The following EFCAB5 variants were observed in gnomAD, a reference collection of about 807,000 sequenced individuals.
The protein encoded by EFCAB5 is EF-hand calcium-binding domain-containing protein 5.
EFCAB5 carries 131 observed loss-of-function variants against 167.9 expected under a neutral mutation model. The ratio of observed to expected loss-of-function variants is 0.78; its 90% confidence interval spans 0.68 to 0.90. The LOEUF (loss-of-function observed/expected upper bound fraction) is 0.90, where lower values mean the gene tolerates loss of function less well. EFCAB5 is among the 40% of genes least tolerant of loss of function. EFCAB5 has a pLI of 0.00. For synonymous variants in EFCAB5, 574 were observed against 602.8 expected, an observed-to-expected ratio of 0.95 and a Z score of 0.70; for missense variants, 1,663 against 1,745.2, an observed-to-expected ratio of 0.95 and a Z score of 0.84.
At chr17:30,007,708 C>T (rs545925259) in intron 7 of EFCAB5, among the ~76,000 whole-genome samples, 2 of 152,256 alleles carry the variant, frequency 1.3e-5, no homozygotes, top group East Asian at 3.9e-4. Flanking sequence ...ATCATTTAGC[C>T]CAGAGTGGTG....
intron 7 of EFCAB5, among the ~76,000 whole-genome samples, chr17:30,014,152 A>C (rs867701700): frequency 8.5e-5 from 13 of 152,184 alleles, no homozygotes; most frequent in African/African-American, 3.1e-4. Flanking sequence ...ATTTGATTGC[A>C]CTGTGGCCTG....
At chr17:30,017,772 CTTTT>C (rs994619914) in intron 7 of EFCAB5, among the ~76,000 whole-genome samples, 10 of 151,994 alleles carry the variant, frequency 6.6e-5, no homozygotes, top group African/African-American at 1.9e-4. Context: ...TCATATCTTT[CTTTT>C]TGTCTATTTC....
At chr17:29,938,933 C>A (rs928290366), upstream of EFCAB5, among the ~76,000 whole-genome samples, 3 of 152,196 alleles carry the variant, frequency 2.0e-5, no homozygotes, top group Non-Finnish European at 4.4e-5. Context: ...CCATGAATCA[C>A]AAATGTTCTT....
chr17:29,954,776 A>G (rs1202613039), intron 3 of EFCAB5, among the ~76,000 whole-genome samples: 1 of 152,218 alleles, frequency 6.6e-6, no homozygotes, highest in Non-Finnish European at 1.5e-5. Flanking sequence ...TGGAAAAGCC[A>G]GAGACGTTCA....
Position 30,034,366 on chromosome 17 carries a change from T to C in EFCAB5, c.1181T>C (p.Leu394Pro). Residue 394 changes from leucine (L) to proline (P), a missense_variant, in exon 8 of 23, where the codon CTA (leucine) becomes CCA (proline). Transcript: ENST00000394835. ...MRRQMFAELFLHCDHGKVGFL... is the reference protein window; with the variant it reads ...MRRQMFAELFPHCDHGKVGFL... ...AGGCAGATGTTCGCTGAACTCTTCCTACATTGTGACCACGGGAAGGTGGGT... is the reference window on the plus strand; with the variant it reads ...AGGCAGATGTTCGCTGAACTCTTCCCACATTGTGACCACGGGAAGGTGGGT... 1 of 1,605,440 alleles carries C rather than the reference T, an allele frequency of 6.2e-7. No homozygotes were observed.
intron 5 of EFCAB5, 24 bp downstream of exon 5, chr17:29,993,345 G>A: frequency 6.2e-7 from 1 of 1,601,606 alleles, no homozygotes; most frequent in Non-Finnish European, 8.5e-7. Context: ...GGGTATATGT[G>A]AAAGGTAGGT....
intron 3 of EFCAB5, among the ~76,000 whole-genome samples, chr17:29,956,019 A>T (rs368374015): frequency 2.2e-4 from 34 of 152,320 alleles, no homozygotes; most frequent in East Asian, 1.5e-3. Flanking sequence ...CCACACACCT[A>T]CAACTATCTG....
intron 7 of EFCAB5, among the ~76,000 whole-genome samples, chr17:30,025,040 G>A (rs1037024890): frequency 4.0e-5 from 6 of 151,772 alleles, no homozygotes; most frequent in South Asian, 2.1e-4. Flanking sequence ...AATTCAAGAC[G>A]GATTAAAGAC....
chr17:30,011,484 G>A (rs2068900197), intron 7 of EFCAB5, among the ~76,000 whole-genome samples: 2 of 152,164 alleles, frequency 1.3e-5, no homozygotes, highest in Non-Finnish European at 2.9e-5. Flanking sequence ...ATTTCATTGA[G>A]CAGTGGTTTG....
At chr17:29,963,459 T>C (rs1044600196) in intron 3 of EFCAB5, among the ~76,000 whole-genome samples, 3 of 152,198 alleles carry the variant, frequency 2.0e-5, no homozygotes, top group Non-Finnish European at 4.4e-5. Context: ...TTGTTAATAT[T>C]TTGTTGAGGA....
Position 29,965,272 on chromosome 17 carries a change from T to A in EFCAB5, c.191-3519T>A, listed in dbSNP as rs1318575605. Among the ~76,000 whole-genome samples, 3 of 152,154 alleles carry A rather than the reference T, an allele frequency of 2.0e-5. No individual in the cohort carries two copies. In the South Asian group the frequency reaches 6.2e-4, roughly 31 times the overall value. On this transcript the variant is annotated intron_variant, in intron 3 of 22. Coordinates refer to ENST00000394835, the MANE Select transcript of EFCAB5 (RefSeq NM_198529.4). ...TCTTATTATTTTCTAATATCCCTTG[T>A]GATTTTTTTGACCCATTAGTCATGT...
chr17:29,937,912 G>A (rs1003736561), upstream of EFCAB5, among the ~76,000 whole-genome samples: 16 of 152,152 alleles, frequency 1.1e-4, no homozygotes, highest in Admixed American at 5.9e-4. Context: ...GAAAAACCTG[G>A]ATATTCCTTT....
intron 3 of EFCAB5, among the ~76,000 whole-genome samples, chr17:29,967,199 T>G: frequency 6.6e-6 from 1 of 152,246 alleles, no homozygotes; most frequent in East Asian, 1.9e-4. Flanking sequence ...TTCTTAAACA[T>G]TCTGTGAATG....
rs2070370752 is a variant in EFCAB5, at chr17:30,059,624, G to C, written c.2660G>C (p.Gly887Ala). Reference sequence around the variant, plus strand: ...CAGAAGTGGGACAGTGATGGCTCAGGCTTCCTGGATCTGAAGGAAGTTGAT... The same window carrying C: ...CAGAAGTGGGACAGTGATGGCTCAGCCTTCCTGGATCTGAAGGAAGTTGAT... ...IFQKWDSDGS[G>A]FLDLKEVDEL... Residue 887 changes from glycine to alanine, a missense_variant, in exon 14 of 23, where the codon GGC becomes GCC. By Grantham distance (60) the Gly-to-Ala change is moderately conservative (BLOSUM62 0). Coordinates refer to ENST00000394835, the MANE Select transcript of EFCAB5 (RefSeq NM_198529.4). The C allele has an allele frequency of 1.2e-6, 2 of 1,612,998 alleles. No individual in the cohort carries two copies. Among genetic ancestry groups the C allele is most frequent in the South Asian group, 1.1e-5 (1 of 90,960 alleles).
At position 30,055,965 on chromosome 17, in the gene EFCAB5, G is replaced by A. The variant is rs773360050; in HGVS notation, c.2272G>A (p.Gly758Ser). 19 of 1,613,530 alleles carry A rather than the reference G, an allele frequency of 1.2e-5. No homozygotes were observed. The highest frequency in any genetic ancestry group is 1.6e-5 in the Non-Finnish European group (19 of 1,179,746). The change falls in exon 11 of 23, where the codon GGT (glycine) becomes AGT (serine). Residue 758 changes from glycine to serine, a missense_variant and splice_region_variant. Physicochemically the swap from Gly to Ser is moderately conservative, Grantham distance 56. Coordinates refer to ENST00000394835, the MANE Select transcript of EFCAB5 (RefSeq NM_198529.4). ...SQKIEGKSWS[G>S]EFFTCNWKMK... ...AAAAATAGAAGGAAAGTCATGGTCA[G>A]GTAACTCCTCATTTAATCCTCCTTT...
chr17:29,972,289 T>C (rs1597601995), intron 4 of EFCAB5, among the ~76,000 whole-genome samples: 1 of 150,862 alleles, frequency 6.6e-6, no homozygotes, highest in African/African-American at 2.4e-5. Flanking sequence ...GACCTCGTGA[T>C]CCGCCCGCCT....
intron 3 of EFCAB5, among the ~76,000 whole-genome samples, chr17:29,954,440 T>C (rs1421196165): frequency 6.6e-6 from 1 of 152,196 alleles, no homozygotes; most frequent in Non-Finnish European, 1.5e-5. Flanking sequence ...GCTCAGGCCA[T>C]TGCTTCAGCA....
intron 8 of EFCAB5, among the ~76,000 whole-genome samples, chr17:30,038,824 C>A (rs1236526885): frequency 6.6e-6 from 1 of 152,148 alleles, no homozygotes; most frequent in Non-Finnish European, 1.5e-5. Flanking sequence ...CTATTTCTAA[C>A]AATTTTGGTA....
chr17:30,005,561 T>A (rs2068757216), intron 7 of EFCAB5, among the ~76,000 whole-genome samples: 1 of 152,194 alleles, frequency 6.6e-6, no homozygotes, highest in Non-Finnish European at 1.5e-5. Context: ...ATTGCATATG[T>A]TTGTAAACTA....
Sources: allele counts gnomAD v4.1 joint callset (sites outside exome capture counted in the v4.1 genomes callset), GRCh38; gene constraint gnomAD v4.1.1; transcripts MANE v1.5; gene names NCBI Gene and HGNC (gene_info 2026-07-23, HGNC 2026-07-21).